Variants in LRBA observed in about 807,000 individuals in gnomAD.
LRBA encodes the protein lipopolysaccharide-responsive and beige-like anchor protein.
In LRBA, 176 loss-of-function variants were observed where a neutral mutation model predicts 330.0. The observed-to-expected ratio is 0.53, with a 90% CI of 0.47 to 0.60. The LOEUF is 0.60. Among genes scored for constraint, LRBA ranks in the 20% least tolerant of loss-of-function variants. LRBA has a pLI of 0.00. For missense variants in LRBA, 3,259 were observed against 3,444.8 expected (o/e 0.95, Z 1.35); for synonymous variants, 1,230 against 1,193.0 (o/e 1.03, Z -0.64).
At chr4:150,435,502 G>A in intron 46 of LRBA, 87 bp downstream of exon 46, 1 of 1,199,942 alleles carries the variant, frequency 8.3e-7, no homozygotes, top group Non-Finnish European at 1.2e-6. Context: ...TGTAAATAGG[G>A]CTGTATGGCA....
chr4:150,315,627 G>T lies in LRBA; in HGVS notation c.7631-4C>A, dbSNP rs762928782. ...TCTTGTACAGCACCTTGATGAGCTGGAATTCACAAAAGATAAAGAAAAAAG... is the reference window on the plus strand; with the variant it reads ...TCTTGTACAGCACCTTGATGAGCTGTAATTCACAAAAGATAAAGAAAAAAG... On this transcript the variant is annotated splice_region_variant and splice_polypyrimidine_tract_variant and intron_variant, in intron 50 of 56. Transcript: ENST00000651943. 3 of 1,567,624 alleles carry T rather than the reference G, an allele frequency of 1.9e-6. No homozygotes were observed. Among genetic ancestry groups the T allele is most frequent in the South Asian group, 2.4e-5 (2 of 84,318 alleles).
intron 16 of LRBA, 70 bp downstream of exon 16, chr4:150,896,324 T>A: frequency 3.8e-6 from 3 of 787,498 alleles, no homozygotes; most frequent in Non-Finnish European, 4.1e-6. Context: ...TTTCTTTAAA[T>A]TTTTACTTTT....
intron 44 of LRBA, among the ~76,000 whole-genome samples, chr4:150,460,073 G>A (rs1461661129): frequency 1.3e-5 from 2 of 151,164 alleles, no homozygotes; most frequent in Admixed American, 6.6e-5. Flanking sequence ...TTTTCCCTCT[G>A]TGACATCTAG....
chr4:150,468,063 T>A (rs774486432), intron 43 of LRBA, among the ~76,000 whole-genome samples: 2 of 152,030 alleles, frequency 1.3e-5, no homozygotes, highest in Non-Finnish European at 2.9e-5. Context: ...GATTTTCTGG[T>A]CCTAAGTTTG....
chr4:150,667,868 T>C (rs1781706840), intron 37 of LRBA, among the ~76,000 whole-genome samples: 1 of 152,172 alleles, frequency 6.6e-6, no homozygotes, highest in Admixed American at 6.5e-5. Context: ...TGTACGGCAA[T>C]TTATTATAAC....
chr4:150,803,129 T>C (rs1174013238), intron 33 of LRBA, among the ~76,000 whole-genome samples: 1 of 148,062 alleles, frequency 6.8e-6, no homozygotes, highest in Non-Finnish European at 1.5e-5. Flanking sequence ...CACACAAATA[T>C]ATATATGTCT....
intron 37 of LRBA, among the ~76,000 whole-genome samples, chr4:150,606,536 AT>A (rs999997845): frequency 5.3e-5 from 8 of 152,180 alleles, no homozygotes; most frequent in African/African-American, 1.2e-4. Flanking sequence ...TATAAAAAAA[AT>A]AAGTTAAAAT....
At chr4:150,745,171 T>A (rs567660267) in intron 35 of LRBA, among the ~76,000 whole-genome samples, 5 of 152,204 alleles carry the variant, frequency 3.3e-5, no homozygotes, top group African/African-American at 1.2e-4. Flanking sequence ...AACACCTTTA[T>A]TGTAGACTTG....
chr4:150,914,163 A>G (rs749370210), intron 9 of LRBA, 32 bp downstream of exon 9: 9 of 1,561,490 alleles, frequency 5.8e-6, no homozygotes, highest in Non-Finnish European at 7.8e-6. Flanking sequence ...CTGAACTAAC[A>G]TTGGTTAAGC....
intron 56 of LRBA, among the ~76,000 whole-genome samples, chr4:150,266,612 A>G (rs894871203): frequency 5.3e-5 from 8 of 152,342 alleles, no homozygotes; most frequent in African/African-American, 1.9e-4. Flanking sequence ...AAAATGTGTC[A>G]CTACAAAAAA....
chr4:150,580,056 G>C (rs10006803), intron 40 of LRBA: 107,680 of 232,318 alleles, frequency 0.46, 25,970 homozygotes, highest in Admixed American at 0.53. Flanking sequence ...TCCCGGGTTA[G>C]AGCCGGGCTC....
At chr4:150,748,436 A>C (rs1363520131) in intron 35 of LRBA, among the ~76,000 whole-genome samples, 2 of 152,162 alleles carry the variant, frequency 1.3e-5, no homozygotes, top group Non-Finnish European at 2.9e-5. Flanking sequence ...TGGGAGGCCA[A>C]GGCAGGCAGA....
At chr4:150,626,662 A>G (rs560575330) in intron 37 of LRBA, among the ~76,000 whole-genome samples, 26 of 152,272 alleles carry the variant, frequency 1.7e-4, no homozygotes, top group African/African-American at 6.0e-4. Flanking sequence ...GACTTTAGAA[A>G]TTAAATACAT....
chr4:150,895,497 T>C (rs904634852), intron 16 of LRBA, among the ~76,000 whole-genome samples: 5 of 152,130 alleles, frequency 3.3e-5, no homozygotes, highest in Admixed American at 2.6e-4. Flanking sequence ...TGTGTTCTCA[T>C]TGTTCAATTC....
intron 43 of LRBA, among the ~76,000 whole-genome samples, chr4:150,470,136 TCGTGC>T (rs1755915378): frequency 6.6e-6 from 1 of 152,144 alleles, no homozygotes; most frequent in Non-Finnish European, 1.5e-5. Context: ...TGAGCCGAGA[TCGTGC>T]CATTGCACTC....
At chr4:150,416,621 T>G (rs546894750) in intron 46 of LRBA, among the ~76,000 whole-genome samples, 6 of 145,982 alleles carry the variant, frequency 4.1e-5, no homozygotes, top group Non-Finnish European at 7.6e-5. Context: ...AAAAAGCATT[T>G]TAACTGAACA....
At chr4:150,642,818 G>A (rs1334216230) in intron 37 of LRBA, among the ~76,000 whole-genome samples, 3 of 151,720 alleles carry the variant, frequency 2.0e-5, no homozygotes, top group East Asian at 3.8e-4. Context: ...TATAGCAAAT[G>A]TTGTTTATTA....
chr4:150,762,664 C>T (rs764060275), intron 34 of LRBA, among the ~76,000 whole-genome samples: 3 of 151,700 alleles, frequency 2.0e-5, no homozygotes, highest in African/African-American at 4.8e-5. Context: ...AACACACACA[C>T]AAAGATTTGC....
At chr4:150,416,983 GGA>G (rs1747856635) in intron 46 of LRBA, among the ~76,000 whole-genome samples, 1 of 60,524 alleles carries the variant, frequency 1.7e-5, no homozygotes, top group Non-Finnish European at 5.3e-5. Flanking sequence ...GTTACCAGTT[GGA>G]CAAAATATGG....
Sources: gnomAD v4.1 joint callset for allele counts (sites outside exome capture counted in the v4.1 genomes callset) on GRCh38, gnomAD v4.1.1 for gene constraint, MANE v1.5 for transcripts, NCBI Gene and HGNC (gene_info 2026-07-23, HGNC 2026-07-21) for gene names.